Variants in MAGI1 observed in about 807,000 individuals in gnomAD.
MAGI1 encodes the protein membrane associated guanylate kinase, WW and PDZ domain containing 1.
In MAGI1, 58 loss-of-function variants were observed where a neutral mutation model predicts 139.9. That is an observed-to-expected ratio of 0.41 (90% CI 0.34 to 0.52). The LOEUF (loss-of-function observed/expected upper bound fraction) is 0.52. Among genes scored for constraint, MAGI1 ranks in the 20% least tolerant of loss-of-function variants. The pLI, the probability that MAGI1 is intolerant of heterozygous loss-of-function variation, is 0.12. For missense variants in MAGI1, 1,874 were observed against 1,901.6 expected (o/e 0.99, Z 0.27); for synonymous variants, 812 against 737.9 (o/e 1.10, Z -1.63).
chr3:65,477,900 T>C (rs548524591), intron 4 of MAGI1, among the ~76,000 whole-genome samples: 1 of 151,570 alleles, frequency 6.6e-6, no homozygotes, highest in African/African-American at 2.4e-5. Context: ...GCCTTGTCCT[T>C]GAAAATCCCT....
intron 13 of MAGI1, among the ~76,000 whole-genome samples, chr3:65,392,444 A>G (rs1944003144): frequency 6.6e-6 from 1 of 152,224 alleles, no homozygotes; most frequent in South Asian, 2.1e-4. Context: ...TGTATGGGGT[A>G]GAGGACAGGA....
intron 1 of MAGI1, among the ~76,000 whole-genome samples, chr3:66,020,448 G>C (rs1483481870): frequency 6.6e-6 from 1 of 152,126 alleles, no homozygotes; most frequent in Non-Finnish European, 1.5e-5. Context: ...GAGCCATTTT[G>C]AGGCTCAAGA....
At chr3:65,420,325 C>A (rs978576939) in intron 12 of MAGI1, among the ~76,000 whole-genome samples, 2 of 152,044 alleles carry the variant, frequency 1.3e-5, no homozygotes, top group Admixed American at 1.3e-4. Context: ...TCCCTTCCTG[C>A]TGGAATACCG....
chr3:65,733,220 C>T (rs2034372210), intron 1 of MAGI1, among the ~76,000 whole-genome samples: 1 of 151,992 alleles, frequency 6.6e-6, no homozygotes, highest in East Asian at 1.9e-4. Context: ...CACCACGCCC[C>T]GCTAATTTTT....
rs1441103136 is a variant in MAGI1 at position 65,375,948 on chromosome 3, G to A, written c.2996-3C>T. ...AGGCATAGCCACACATGCATTGCCT[G>A]CTTTGATATTGAGTTTTAATTTTTT... On this transcript the variant is annotated splice_polypyrimidine_tract_variant and splice_region_variant and intron_variant, in intron 17 of 22. Transcript: ENST00000402939. 5 of 1,609,940 alleles carry A rather than the reference G, an allele frequency of 3.1e-6. No homozygotes were observed. Among genetic ancestry groups the A allele is most frequent in the Non-Finnish European group, 4.2e-6 (5 of 1,177,078 alleles).
chr3:65,727,372 T>G (rs1311540178), intron 1 of MAGI1, among the ~76,000 whole-genome samples: 1 of 152,322 alleles, frequency 6.6e-6, no homozygotes, highest in South Asian at 2.1e-4. Flanking sequence ...TTATTATATA[T>G]ATAAAGAAAC....
chr3:65,814,555 C>T (rs2041483674), intron 1 of MAGI1, among the ~76,000 whole-genome samples: 1 of 152,144 alleles, frequency 6.6e-6, no homozygotes, highest in Non-Finnish European at 1.5e-5. Flanking sequence ...CTTTGAACTA[C>T]ATAATTTGGA....
chr3:65,506,801 T>A (rs1322962984), intron 2 of MAGI1, among the ~76,000 whole-genome samples: 1 of 152,148 alleles, frequency 6.6e-6, no homozygotes, highest in Non-Finnish European at 1.5e-5. Flanking sequence ...GCAAATATTA[T>A]ATAACTAGAT....
intron 1 of MAGI1, among the ~76,000 whole-genome samples, chr3:65,717,762 G>A (rs1258690359): frequency 6.6e-6 from 1 of 152,114 alleles, no homozygotes; most frequent in Admixed American, 6.6e-5. Context: ...ATTCTGATTG[G>A]TCCAGCTTAG....
At chr3:65,638,597 ATTTTTTTTTTTTTTTTTTT>A (rs1173086138) in intron 1 of MAGI1, among the ~76,000 whole-genome samples, 1 of 40,998 alleles carries the variant, frequency 2.4e-5, no homozygotes, top group East Asian at 9.2e-4. Context: ...TGCTCTCCTG[ATTTTTTTTTTTTTTTTTTT>A]TTTTTTTTTT....
chr3:65,724,654 G>A (rs1207390387), intron 1 of MAGI1, among the ~76,000 whole-genome samples: 2 of 152,160 alleles, frequency 1.3e-5, no homozygotes, highest in Admixed American at 6.6e-5. Flanking sequence ...GGGCATACCT[G>A]AGACTGGGTA....
At chr3:65,489,584 CAGAT>C (rs1382475681) in intron 3 of MAGI1, among the ~76,000 whole-genome samples, 1 of 151,780 alleles carries the variant, frequency 6.6e-6, no homozygotes, top group Non-Finnish European at 1.5e-5. Context: ...TACAGATAGA[CAGAT>C]AGATACATAG....
At chr3:65,772,788 G>A (rs1214398150) in intron 1 of MAGI1, among the ~76,000 whole-genome samples, 2 of 152,314 alleles carry the variant, frequency 1.3e-5, no homozygotes, top group Non-Finnish European at 1.5e-5. Context: ...CTGGTTTTAC[G>A]ACCCAGTTCC....
chr3:65,951,039 A>C (rs373742604), intron 1 of MAGI1, among the ~76,000 whole-genome samples: 2 of 83,680 alleles, frequency 2.4e-5, no homozygotes, highest in Non-Finnish European at 5.4e-5. Flanking sequence ...AAGGAAGGAA[A>C]GGAGGGAGGG....
intron 2 of MAGI1, among the ~76,000 whole-genome samples, chr3:65,605,830 T>C (rs2106881127): frequency 6.6e-6 from 1 of 152,260 alleles, no homozygotes; most frequent in Non-Finnish European, 1.5e-5. Flanking sequence ...ACATCAAATA[T>C]TTTGACGAAA....
At chr3:65,435,468 G>GTGGA (rs10681942) in intron 10 of MAGI1, among the ~76,000 whole-genome samples, 65,415 of 149,502 alleles carry the variant, frequency 0.44, 14,398 homozygotes, top group East Asian at 0.64. Flanking sequence ...ATATGTATAT[G>GTGGA]TGGATGGATG....
intron 1 of MAGI1, among the ~76,000 whole-genome samples, chr3:65,828,780 CAT>C (rs1216270694): frequency 6.6e-6 from 1 of 152,200 alleles, no homozygotes; most frequent in Non-Finnish European, 1.5e-5. Context: ...GATCTAATCA[CAT>C]GAGTTATTAA....
At chr3:65,521,426 C>T (rs774258908) in intron 2 of MAGI1, among the ~76,000 whole-genome samples, 8 of 152,022 alleles carry the variant, frequency 5.3e-5, no homozygotes, top group African/African-American at 2.4e-5. Context: ...CAATAGCCCA[C>T]GATTTAGGAG....
chr3:65,661,277 G>A (rs973239603), intron 1 of MAGI1, among the ~76,000 whole-genome samples: 3 of 152,184 alleles, frequency 2.0e-5, no homozygotes, highest in African/African-American at 7.2e-5. Context: ...ATTATCATAT[G>A]TAAATTACAG....
Sources: gnomAD v4.1 joint callset for allele counts (sites outside exome capture counted in the v4.1 genomes callset) on GRCh38, gnomAD v4.1.1 for gene constraint, MANE v1.5 for transcripts, NCBI Gene and HGNC (gene_info 2026-07-23, HGNC 2026-07-21) for gene names.